ERC1: variants seen among roughly 807,000 people sequenced by gnomAD.
ERC1 encodes the protein RAB6 interacting protein 2.
A neutral mutation model predicts 132.0 loss-of-function variants in ERC1; 56 were observed. That is an observed-to-expected ratio of 0.42 (90% CI 0.34 to 0.53). The LOEUF (loss-of-function observed/expected upper bound fraction) is 0.53, where lower values mean the gene tolerates loss of function less well. ERC1 is among the 20% of genes least tolerant of loss of function. The probability of loss-of-function intolerance (pLI) is 0.03; values close to 1 mark genes in which losing one functional copy is unlikely to be tolerated. For synonymous variants in ERC1, 478 were observed against 476.1 expected, an observed-to-expected ratio of 1.00 and a Z score of -0.05; for missense variants, 1,202 against 1,349.9, an observed-to-expected ratio of 0.89 and a Z score of 1.72.
chr12:1,154,213 G>GTATGTATATGTATATGTATATGTA (rs140140472), intron 8 of ERC1, among the ~76,000 whole-genome samples: 3,597 of 142,956 alleles, frequency 0.025, 71 homozygotes, highest in Admixed American at 0.043. Flanking sequence ...GTGTGTGTGT[G>GTATGTATATGTATATGTATATGTA]TATGTATATG....
rs554822393 is a variant in ERC1 at position 1,290,558 on chromosome 12, C to G, written c.2780+546C>G. On this transcript the variant is annotated intron_variant, in intron 15 of 18. Coordinates refer to ENST00000360905, the MANE Select transcript of ERC1 (RefSeq NM_178040.4). Reference sequence around the variant, plus strand: ...CCCCACATTTTGTAGGTTGCTGAGACCATAATCTGTTGTGAAGCATGTATA... The same window carrying G: ...CCCCACATTTTGTAGGTTGCTGAGAGCATAATCTGTTGTGAAGCATGTATA... Among the ~76,000 whole-genome samples the G allele has an allele frequency of 4.8e-4, 73 of 152,242 alleles. 1 individual carries two copies. The highest frequency in any genetic ancestry group is 1.8e-3 in the African/African-American group (73 of 41,542).
Position 1,062,234 on chromosome 12 carries a change from C to T in ERC1, c.670-20930C>T, listed in dbSNP as rs1026453453. ...TCCAGACCTCGTGATCTGCCCGCCT[C>T]GGCCCCCGAAGTGCTGGGATTACAG... On this transcript the variant is annotated intron_variant, in intron 2 of 18. Transcript: ENST00000360905. 5.3e-5 allele frequency among the ~76,000 whole-genome samples: 8 copies of T among 152,144 alleles called. No homozygotes were observed. In the South Asian group the frequency reaches 1.0e-3, roughly 20 times the overall value.
intron 13 of ERC1, 122 bp downstream of exon 13, chr12:1,237,026 C>T (rs2075464062): frequency 8.8e-7 from 1 of 1,136,676 alleles, no homozygotes; most frequent in Non-Finnish European, 1.2e-6. Flanking sequence ...TTGCTGCCTT[C>T]CTCTCAGACC....
At chr12:1,311,538 C>A (rs1261538220) in intron 15 of ERC1, among the ~76,000 whole-genome samples, 1 of 152,144 alleles carries the variant, frequency 6.6e-6, no homozygotes, top group Non-Finnish European at 1.5e-5. Context: ...AACCTAAATA[C>A]ATAGTTGTCC....
At chr12:1,297,773 TTTC>T (rs1163737017) in intron 15 of ERC1, among the ~76,000 whole-genome samples, 1 of 152,062 alleles carries the variant, frequency 6.6e-6, no homozygotes, top group African/African-American at 2.4e-5. Context: ...AAATGTATTT[TTTC>T]TTCTCAGAAT....
intron 3 of ERC1, among the ~76,000 whole-genome samples, chr12:1,091,054 A>G (rs1402305037): frequency 6.6e-6 from 1 of 151,852 alleles, no homozygotes. Context: ...TGCACAAGCT[A>G]ATTTTTGTAT....
intron 1 of ERC1, among the ~76,000 whole-genome samples, chr12:1,007,230 TAA>T (rs1963796198): frequency 6.6e-6 from 1 of 152,178 alleles, no homozygotes; most frequent in Non-Finnish European, 1.5e-5. Context: ...TAAACCCTGT[TAA>T]AATCTGACTT....
At chr12:1,459,818 G>A (rs993429867) in intron 18 of ERC1, among the ~76,000 whole-genome samples, 8 of 152,204 alleles carry the variant, frequency 5.3e-5, no homozygotes, top group African/African-American at 1.7e-4. Flanking sequence ...AGTGGGACAC[G>A]TCAATGTGTG....
chr12:1,066,572 C>T (rs1448014508), intron 2 of ERC1, among the ~76,000 whole-genome samples: 1 of 152,152 alleles, frequency 6.6e-6, no homozygotes, highest in Non-Finnish European at 1.5e-5. Context: ...TGCGGTGGCT[C>T]ACGCCTGTAA....
chr12:1,041,199 G>T (rs1409775474), intron 2 of ERC1, among the ~76,000 whole-genome samples: 2 of 144,320 alleles, frequency 1.4e-5, no homozygotes, highest in South Asian at 2.3e-4. Flanking sequence ...AGTTTTGCAA[G>T]TCTCTCTTTC....
At chr12:1,159,873 A>G (rs1951730569) in intron 8 of ERC1, among the ~76,000 whole-genome samples, 1 of 152,178 alleles carries the variant, frequency 6.6e-6, no homozygotes, top group African/African-American at 2.4e-5. Flanking sequence ...CTTCATCTGT[A>G]GAGTGGATAT....
intron 15 of ERC1, among the ~76,000 whole-genome samples, chr12:1,303,818 G>A (rs1446838669): frequency 6.6e-6 from 1 of 151,924 alleles, no homozygotes; most frequent in Non-Finnish European, 1.5e-5. Context: ...GCTGGGTGTG[G>A]TGGCGCATGC....
intron 16 of ERC1, among the ~76,000 whole-genome samples, chr12:1,379,365 C>T (rs2088339609): frequency 6.6e-6 from 1 of 152,120 alleles, no homozygotes; most frequent in South Asian, 2.1e-4. Context: ...TCCTTGCTTC[C>T]CTTGAAGATC....
intron 18 of ERC1, among the ~76,000 whole-genome samples, chr12:1,482,813 T>A (rs1279875798): frequency 6.6e-6 from 1 of 152,126 alleles, no homozygotes; most frequent in Non-Finnish European, 1.5e-5. Flanking sequence ...AAGTACATAA[T>A]TCAGTAGATT....
At chr12:1,189,765 G>A (rs943601385) in intron 11 of ERC1, 94 bp from the exon 12 acceptor site, 3 of 950,240 alleles carry the variant, frequency 3.2e-6, no homozygotes, top group Non-Finnish European at 4.6e-6. Context: ...TGATAATTCT[G>A]TACTTAAATT....
chr12:1,487,742 G>A (rs1244275966), intron 18 of ERC1, among the ~76,000 whole-genome samples: 2 of 134,800 alleles, frequency 1.5e-5, no homozygotes, highest in Admixed American at 1.5e-4. Flanking sequence ...AGAGAGAGAG[G>A]AGAAGGGTAG....
chr12:1,304,992 G>C (rs111804105), intron 15 of ERC1, among the ~76,000 whole-genome samples: 2 of 151,474 alleles, frequency 1.3e-5, no homozygotes, highest in African/African-American at 2.4e-5. Flanking sequence ...GTTTCACCGT[G>C]TTGGCCAGGA....
At chr12:1,334,380 T>C (rs1316138047) in intron 15 of ERC1, among the ~76,000 whole-genome samples, 4 of 152,244 alleles carry the variant, frequency 2.6e-5, no homozygotes, top group Non-Finnish European at 5.9e-5. Flanking sequence ...TACATTTAAG[T>C]GTTTAATCCA....
intron 15 of ERC1, among the ~76,000 whole-genome samples, chr12:1,342,368 G>A (rs1277414945): frequency 1.3e-5 from 2 of 151,798 alleles, no homozygotes; most frequent in Non-Finnish European, 2.9e-5. Flanking sequence ...TTGGGAAACT[G>A]AGGCAGGAGA....
Sources: gnomAD v4.1 joint callset for allele counts (sites outside exome capture counted in the v4.1 genomes callset) on GRCh38, gnomAD v4.1.1 for gene constraint, MANE v1.5 for transcripts, NCBI Gene and HGNC (gene_info 2026-07-23, HGNC 2026-07-21) for gene names.